Variants in TESPA1 observed in about 807,000 individuals in gnomAD.
TESPA1 encodes protein TESPA1.
Under a neutral mutation model 57.9 loss-of-function variants are expected in TESPA1, and 33 were observed. The observed-to-expected ratio is 0.57, with a 90% CI of 0.43 to 0.76. TESPA1 has a LOEUF of 0.76. Ranked by LOEUF, TESPA1 falls within the 30% of genes least tolerant of loss-of-function variation. TESPA1 has a pLI of 0.00. For synonymous variants in TESPA1, 227 were observed against 228.9 expected (o/e 0.99, Z 0.07); for missense variants, 618 against 632.9 (o/e 0.98, Z 0.25).
rs1369258835 is a variant in TESPA1, at chr12:54,963,390, C to T, written c.656-148G>A. On this transcript the variant is annotated intron_variant, in intron 8 of 10. Transcript: ENST00000449076. ...GTTTCTCCCTTTTAGATTTCTAACA[C>T]TCTTTTTCTGGAATTTCGTAACTTC... 1.7e-5 allele frequency: 15 copies of T among 874,750 alleles called. No homozygotes were observed. In the Admixed American group the frequency reaches 4.1e-4, roughly 24 times the overall value. The allele number at this position is 874,750 out of a possible 1,614,324, so 54.2% of individuals were successfully genotyped here.
At chr12:54,976,733 C>T (rs1952152847) in intron 1 of TESPA1, among the ~76,000 whole-genome samples, 1 of 152,058 alleles carries the variant, frequency 6.6e-6, no homozygotes, top group Admixed American at 6.6e-5. Context: ...TATGTCAAGC[C>T]CCTATACTGC....
rs1235079001 is a variant in TESPA1, at chr12:54,950,366, A to G, written c.*26T>C. On this transcript the variant is annotated 3_prime_UTR_variant, in exon 11 of 11. Transcript: ENST00000449076. ...TTTGAAGCCAATTCTGTCAGACCAC[A>G]TGCTGTTGTGGTGGTGGAGAAAGCC... 2 of 456,736 alleles carry G rather than the reference A, an allele frequency of 4.4e-6. No homozygotes were observed. Among genetic ancestry groups the G allele is most frequent in the Non-Finnish European group, 4.4e-6 (1 of 226,968 alleles). 28.3% of individuals were successfully genotyped at this position (456,736 alleles called of 1,614,324 possible). A position where few individuals can be genotyped will look rare whatever the true frequency, so the allele number is the denominator to read the frequency against.
intron 10 of TESPA1, 24 bp from the exon 11 acceptor site, chr12:54,950,414 C>A (rs775580633): frequency 2.3e-6 from 1 of 439,272 alleles, no homozygotes; most frequent in South Asian, 1.6e-5. Context: ...AAAAAAGATA[C>A]ATATCATGCA....
At chr12:54,973,750 G>A in intron 2 of TESPA1, 3 of 1,297,896 alleles carry the variant, frequency 2.3e-6, no homozygotes, top group East Asian at 6.1e-5. Context: ...CCTGGAAAGT[G>A]CCCAAGATGT....
chr12:54,950,790 T>C (rs1315491774), intron 10 of TESPA1, among the ~76,000 whole-genome samples: 2 of 152,210 alleles, frequency 1.3e-5, no homozygotes, highest in African/African-American at 4.8e-5. Flanking sequence ...TTGTTTTTTC[T>C]ACATAGTAGA....
rs905237200 is a variant in TESPA1, at chr12:54,952,228, C to T, written c.*2-1838G>A. The stretch of plus-strand genomic sequence containing the variant: ...TATGATGCAGAAAGGAGGCCCTCAC[C>T]GGATGTGGTCCCTCAACCTTGGACT... On this transcript the variant is annotated intron_variant, in intron 10 of 10. Transcript: ENST00000449076. 7.2e-5 allele frequency among the ~76,000 whole-genome samples: 11 copies of T among 152,168 alleles called. 1 individual carries two copies. Among genetic ancestry groups the T allele is most frequent in the South Asian group, 4.1e-4 (2 of 4,830 alleles).
Position 54,950,150 on chromosome 12 carries a change from G to A in TESPA1, c.*242C>T, listed in dbSNP as rs149824344. 0.024 allele frequency: 9,861 copies of A among 417,566 alleles called. 168 individuals carry two copies. Among genetic ancestry groups the A allele is most frequent in the Non-Finnish European group, 0.034 (7,068 of 208,516 alleles). The allele number at this position is 417,566 out of a possible 1,614,324, so 25.9% of individuals were successfully genotyped here. ...AGTGTACAGAGAAATGAAGAGATGT[G>A]CCTAAGGTCTTTGTGCATGCAGCTT... On this transcript the variant is annotated 3_prime_UTR_variant, in exon 11 of 11. Transcript: ENST00000449076.
intron 1 of TESPA1, 43 bp from the exon 2 acceptor site, chr12:54,974,650 G>C: frequency 7.4e-7 from 1 of 1,356,076 alleles, no homozygotes; most frequent in Non-Finnish European, 9.6e-7. Flanking sequence ...CATATGCTCA[G>C]AAACCATCAT....
chr12:54,953,228 C>T (rs1241951930), intron 10 of TESPA1, among the ~76,000 whole-genome samples: 1 of 152,112 alleles, frequency 6.6e-6, no homozygotes, highest in Admixed American at 6.5e-5. Context: ...TAGACTAAAC[C>T]AAAACACTTA....
chr12:54,982,920 T>C (rs1008008484), intron 1 of TESPA1, among the ~76,000 whole-genome samples: 5 of 152,196 alleles, frequency 3.3e-5, no homozygotes, highest in African/African-American at 1.2e-4. Flanking sequence ...CTGAAATCTG[T>C]GTTTAGGCCA....
chr12:54,968,038 C>T (rs1301693367), intron 3 of TESPA1, 146 bp from the exon 4 acceptor site: 4 of 1,525,662 alleles, frequency 2.6e-6, no homozygotes, highest in Non-Finnish European at 3.5e-6. Context: ...AAAACAAAGA[C>T]AGAGTGGTTA....
intron 1 of TESPA1, among the ~76,000 whole-genome samples, chr12:54,978,019 GT>G (rs1025742645): frequency 2.1e-5 from 3 of 145,274 alleles, no homozygotes; most frequent in East Asian, 2.1e-4. Flanking sequence ...TTTTTTTTTT[GT>G]TTTTTTTTCT....
intron 3 of TESPA1, among the ~76,000 whole-genome samples, chr12:54,969,913 T>C (rs1951721298): frequency 6.6e-6 from 1 of 152,164 alleles, no homozygotes; most frequent in Non-Finnish European, 1.5e-5. Context: ...TTCATTGAGC[T>C]ATTTATGTAT....
At chr12:54,973,965 A>T in intron 2 of TESPA1, 1 of 938,042 alleles carries the variant, frequency 1.1e-6, no homozygotes, top group Non-Finnish European at 1.3e-6. Context: ...AGTGTAGGAA[A>T]GGTACTACTA....
chr12:54,963,981 A>T (rs905498131), intron 7 of TESPA1, 31 bp from the exon 8 acceptor site: 2 of 1,601,992 alleles, frequency 1.2e-6, no homozygotes, highest in Non-Finnish European at 1.7e-6. Flanking sequence ...TAAATAAGGG[A>T]CAACTTTGAG....
At chr12:54,973,348 C>T in intron 3 of TESPA1, 129 bp downstream of exon 3, 1 of 1,371,794 alleles carries the variant, frequency 7.3e-7, no homozygotes, top group Non-Finnish European at 1.0e-6. Flanking sequence ...CAACCACCAT[C>T]TCAACCTTAC....
At chr12:54,974,299 C>A in intron 2 of TESPA1, 101 bp downstream of exon 2, 1 of 1,060,422 alleles carries the variant, frequency 9.4e-7, no homozygotes, top group South Asian at 1.9e-5. Flanking sequence ...TCCCTGAGGG[C>A]CTGGCTAAAC....
At chr12:54,959,399 G>T (rs545972345) in intron 10 of TESPA1, among the ~76,000 whole-genome samples, 16 of 152,334 alleles carry the variant, frequency 1.1e-4, no homozygotes, top group South Asian at 1.0e-3. Context: ...ATTTCAAAAT[G>T]GTTCCTTTCT....
At chr12:54,963,414 T>C (rs567642744) in intron 8 of TESPA1, among the ~76,000 whole-genome samples, 172 bp from the exon 9 acceptor site, 93 of 152,264 alleles carry the variant, frequency 6.1e-4, no homozygotes, top group African/African-American at 2.0e-3. Context: ...TTTCGTAACT[T>C]CTTGACACCC....
Sources: gnomAD v4.1 joint callset for allele counts (sites outside exome capture counted in the v4.1 genomes callset) on GRCh38, gnomAD v4.1.1 for gene constraint, MANE v1.5 for transcripts, NCBI Gene and HGNC (gene_info 2026-07-23, HGNC 2026-07-21) for gene names.